MTMR10: variants seen among roughly 807,000 people sequenced by gnomAD.
MTMR10 encodes myotubularin related protein 10.
In MTMR10, 56 loss-of-function variants were observed where a neutral mutation model predicts 88.1. The observed-to-expected ratio is 0.64, with a 90% CI of 0.51 to 0.79. The LOEUF (loss-of-function observed/expected upper bound fraction) is 0.79. MTMR10 is among the 30% of genes least tolerant of loss of function. The probability of loss-of-function intolerance (pLI) is 0.00; values close to 1 mark genes in which losing one functional copy is unlikely to be tolerated. For missense variants in MTMR10, 883 were observed against 924.7 expected (o/e 0.95, Z 0.58); for synonymous variants, 380 against 340.9 (o/e 1.11, Z -1.26).
chr15:30,929,325 G>A, the MTMR10 span: 157 of 1,612,248 alleles, frequency 9.7e-5, 5 homozygotes, highest in African/African-American at 7.5e-4. Context: ...TGGCAGCCAC[G>A]TGGCATGAGC....
At chr15:30,937,215 C>T, downstream of MTMR10, 1 of 1,614,016 alleles carries the variant, frequency 6.2e-7, no homozygotes, top group African/African-American at 1.3e-5. Context: ...AGAAGTCTGC[C>T]ATGTGGTTGC....
chr15:30,941,985 A>T lies in MTMR10; in HGVS notation c.1819T>A (p.Ser607Thr). ...SDQELLPRRN[S>T]LILKPKPDPA... The stretch of plus-strand genomic sequence containing the variant: ...TCTGGCTTTGGTTTTAATATCAATG[A>T]ATTTCTCCTTGGAAGTAATTCTTGG... Residue 607 changes from serine to threonine, a missense_variant, in exon 16 of 16, where the codon TCA becomes ACA. By Grantham distance (58) the Ser-to-Thr change is moderately conservative. Around this residue, in one of 3 missense-constraint regions of MTMR10, gnomAD observed 343 missense variants for 323.2 expected, o/e 1.06. Transcript: ENST00000435680. 6.2e-7 allele frequency: 1 copy of T among 1,613,870 alleles called. No homozygotes were observed. The highest frequency in any genetic ancestry group is 8.5e-7 in the Non-Finnish European group (1 of 1,179,882).
At position 30,942,953 on chromosome 15, in the gene MTMR10, GAAGGGGTTATGGAA is replaced by G; in HGVS notation, c.1654_1667del (p.Phe552LeufsTer18). ...TACAAGGTGTGCTCTTTCCAATGTA[GAAGGGGTTATGGAA>G]AAGGGTGCGATCCTTTGCTGTAAAC... On this transcript the variant is annotated frameshift_variant, in exon 15 of 16. Transcript: ENST00000435680. LOFTEE classifies it high-confidence loss of function. The G allele has an allele frequency of 6.4e-7, 1 of 1,563,230 alleles. No homozygotes were observed. The highest frequency in any genetic ancestry group is 8.7e-7 in the Non-Finnish European group (1 of 1,151,728).
the MTMR10 span, chr15:30,928,398 C>T: frequency 1.5e-5 from 22 of 1,460,994 alleles, no homozygotes; most frequent in African/African-American, 1.1e-4. Flanking sequence ...CTGGGAATGG[C>T]GTGAAAACAG....
At chr15:30,978,383 C>T (rs1410879366) in intron 2 of MTMR10, among the ~76,000 whole-genome samples, 1 of 152,146 alleles carries the variant, frequency 6.6e-6, no homozygotes, top group Non-Finnish European at 1.5e-5. Flanking sequence ...GAAAAGAGTG[C>T]TGAATGCAAG....
At chr15:30,962,413 A>G (rs984905275) in intron 6 of MTMR10, among the ~76,000 whole-genome samples, 3 of 152,236 alleles carry the variant, frequency 2.0e-5, no homozygotes, top group African/African-American at 7.2e-5. Context: ...TAAACCAGCC[A>G]GCAGCTTACC....
At chr15:30,929,872 A>T in the MTMR10 span, among the ~76,000 whole-genome samples, 8 of 94,688 alleles carry the variant, frequency 8.4e-5, no homozygotes, top group African/African-American at 2.8e-4. Flanking sequence ...AATATATATA[A>T]AATATATAAT....
chr15:30,937,609 G>A (rs922194673), downstream of MTMR10, among the ~76,000 whole-genome samples: 1 of 151,578 alleles, frequency 6.6e-6, no homozygotes, highest in Non-Finnish European at 1.5e-5. Flanking sequence ...GCGCCACCAC[G>A]CCTGGCTAAA....
At chr15:30,921,909 G>C in the MTMR10 span, among the ~76,000 whole-genome samples, 1 of 152,204 alleles carries the variant, frequency 6.6e-6, no homozygotes, top group Non-Finnish European at 1.5e-5. Flanking sequence ...ACTGTGACCA[G>C]TGCTCAGCTG....
At chr15:30,950,257 TCTGA>T (rs1022300442) in intron 12 of MTMR10, 9 of 138,788 alleles carry the variant, frequency 6.5e-5, no homozygotes, top group Non-Finnish European at 1.0e-4. Flanking sequence ...AAACACACAC[TCTGA>T]CTGTATCAGT....
chr15:30,976,944 C>T lies in MTMR10; in HGVS notation c.133G>A (p.Val45Ile), dbSNP rs769982335. The change falls in exon 3 of 16, where the codon GTA becomes ATA. Residue 45 changes from valine to isoleucine, a missense_variant. This residue lies in a region of MTMR10 where 414 missense variants were observed against 423.2 expected (regional missense o/e 0.98). Transcript: ENST00000435680. ...TTTCTCACAAAATTGACTTCATTTA[C>T]GACAATTTCTCCTTTAAAAAAAGAA... ...EPVLLPGEIV[V>I]NEVNFVRKCI... 2.4e-5 allele frequency: 38 copies of T among 1,612,162 alleles called. No homozygotes were observed. The highest frequency in any genetic ancestry group is 2.7e-5 in the African/African-American group (2 of 74,750).
the MTMR10 span, chr15:30,928,524 G>GTGTC: frequency 1.2e-6 from 2 of 1,610,686 alleles, no homozygotes; most frequent in South Asian, 1.1e-5. Context: ...GTGTGTGTGT[G>GTGTC]TGTGTGTGTG....
Position 30,958,848 on chromosome 15 carries a change from C to G in MTMR10, c.935+15G>C, listed in dbSNP as rs749956334. The G allele has an allele frequency of 1.2e-6, 2 of 1,612,118 alleles. No homozygotes were observed. The highest frequency in any genetic ancestry group is 3.3e-5 in the Admixed American group (2 of 60,010). On this transcript the variant is annotated intron_variant, in intron 9 of 15. Coordinates refer to ENST00000435680, the MANE Select transcript of MTMR10 (RefSeq NM_017762.3). ...GTAAAACTATCTAAAGTGACAATGA[C>G]CATTTCTCAATTACCTCTGGTCAAT...
At chr15:30,932,774 C>T in the MTMR10 span, among the ~76,000 whole-genome samples, 14 of 145,074 alleles carry the variant, frequency 9.7e-5, no homozygotes, top group East Asian at 1.1e-3. Context: ...AGTGTAGTAG[C>T]GTGAGTTAGC....
At chr15:30,929,799 T>TATATC in the MTMR10 span, among the ~76,000 whole-genome samples, 1 of 70,364 alleles carries the variant, frequency 1.4e-5, no homozygotes, top group African/African-American at 7.5e-5. Flanking sequence ...TATAATATAA[T>TATATC]ATATAAAATA....
At chr15:30,989,173 A>AT (rs2031147208) in intron 2 of MTMR10, among the ~76,000 whole-genome samples, 1 of 152,120 alleles carries the variant, frequency 6.6e-6, no homozygotes, top group Non-Finnish European at 1.5e-5. Flanking sequence ...ATAGGCACTC[A>AT]TTCAAGATGA....
intron 1 of MTMR10, chr15:30,991,149 T>C: frequency 2.1e-6 from 1 of 484,212 alleles, no homozygotes; most frequent in Non-Finnish European, 3.6e-6. Flanking sequence ...GGTCGATGGG[T>C]TGGAAACTAA....
At position 30,948,344 on chromosome 15, in the gene MTMR10, C is replaced by T. The variant is rs2141000554; in HGVS notation, c.1335G>A (p.Gln445=). The part of the protein sequence containing the change: ...IQKEWVMAGY[Q]FLDRCNHLKR... ...TTAGATGGTTGCATCTGTCTAGAAACTGATATCCTGCCATGACCCACTCCT... is the reference window on the plus strand; with the variant it reads ...TTAGATGGTTGCATCTGTCTAGAAATTGATATCCTGCCATGACCCACTCCT... Residue 445 remains glutamine, a synonymous_variant, in exon 13 of 16, where the codon CAG becomes CAA. Coordinates refer to ENST00000435680, the MANE Select transcript of MTMR10 (RefSeq NM_017762.3). 6.2e-7 allele frequency: 1 copy of T among 1,613,814 alleles called. No individual in the cohort carries two copies. The highest frequency in any genetic ancestry group is 8.5e-7 in the Non-Finnish European group (1 of 1,179,824).
At position 30,990,788 on chromosome 15, in the gene MTMR10, A is replaced by G; in HGVS notation, c.110T>C (p.Val37Ala). 1 of 1,610,026 alleles carries G rather than the reference A, an allele frequency of 6.2e-7. No individual in the cohort carries two copies. Among genetic ancestry groups the G allele is most frequent in the Non-Finnish European group, 8.5e-7 (1 of 1,177,988 alleles). The change falls in exon 2 of 16, where the codon GTC becomes GCC. Residue 37 changes from valine to alanine, a missense_variant. Physicochemically the swap from Val to Ala is moderately conservative, Grantham distance 64. Around this residue, in one of 3 missense-constraint regions of MTMR10, gnomAD observed 414 missense variants for 423.2 expected, o/e 0.98. Coordinates refer to ENST00000435680, the MANE Select transcript of MTMR10 (RefSeq NM_017762.3). ...SEPKIKKLEP[V>A]LLPGEIVVNE... ...TAACTAATGTTTACCTGGCAAAAGG[A>G]CTGGCTCCAGTTTTTTAATCTTCGG...
Sources: gnomAD v4.1 joint callset for allele counts (sites outside exome capture counted in the v4.1 genomes callset) on GRCh38, gnomAD v4.1.1 for gene constraint, gnomAD v4.1.1 regional missense constraint, MANE v1.5 for transcripts, NCBI Gene and HGNC (gene_info 2026-07-23, HGNC 2026-07-21) for gene names.